Variants in EBF3 observed in about 807,000 individuals in gnomAD.
EBF3 encodes EBF transcription factor 3.
Under a neutral mutation model 77.1 loss-of-function variants are expected in EBF3, and 18 were observed. The observed-to-expected ratio is 0.23, with a 90% CI of 0.16 to 0.35. The LOEUF is 0.35. Ranked by LOEUF, EBF3 falls within the 10% of genes least tolerant of loss-of-function variation. The pLI, the probability that EBF3 is intolerant of heterozygous loss-of-function variation, is 1.00. For synonymous variants in EBF3, 350 were observed against 343.5 expected, an observed-to-expected ratio of 1.02 and a Z score of -0.21; for missense variants, 558 against 860.0, an observed-to-expected ratio of 0.65 and a Z score of 4.39.
intron 6 of EBF3, among the ~76,000 whole-genome samples, chr10:129,882,765 AAG>A (rs912308236): frequency 5.9e-5 from 9 of 152,236 alleles, no homozygotes; most frequent in Non-Finnish European, 8.8e-5. Flanking sequence ...CCATGTAGCT[AAG>A]AACGTATCCA....
At chr10:129,922,995 C>T in intron 6 of EBF3, among the ~76,000 whole-genome samples, 1 of 152,334 alleles carries the variant, frequency 6.6e-6, no homozygotes, top group South Asian at 2.1e-4. Flanking sequence ...TGTGTGCCTG[C>T]CCCTCTCCGG....
At chr10:129,851,328 T>G (rs1850865791) in intron 10 of EBF3, among the ~76,000 whole-genome samples, 1 of 152,186 alleles carries the variant, frequency 6.6e-6, no homozygotes, top group Non-Finnish European at 1.5e-5. Flanking sequence ...TGTTTTATGT[T>G]AATATTTGTG....
chr10:129,840,587 C>T, intron 14 of EBF3, 145 bp from the exon 15 acceptor site: 1 of 1,022,278 alleles, frequency 9.8e-7, no homozygotes, highest in Non-Finnish European at 1.4e-6. Flanking sequence ...CTCTGGATAA[C>T]AGGCAAGCTC....
chr10:129,922,100 G>A (rs749398426), intron 6 of EBF3, among the ~76,000 whole-genome samples: 6 of 152,226 alleles, frequency 3.9e-5, no homozygotes, highest in South Asian at 4.1e-4. Flanking sequence ...GGGGTGACCA[G>A]GCTCATGCCA....
chr10:129,837,406 G>A lies in EBF3; in HGVS notation c.*537C>T, dbSNP rs1037744916. ...CACCCCAGTTTCTCCTCATCATATAGTCATCCTTTTTTCCAGTCTGATGGC... is the reference window on the plus strand; with the variant it reads ...CACCCCAGTTTCTCCTCATCATATAATCATCCTTTTTTCCAGTCTGATGGC... On this transcript the variant is annotated 3_prime_UTR_variant, in exon 17 of 17. Transcript: ENST00000440978. 3.3e-5 allele frequency: 5 copies of A among 152,060 alleles called. No individual in the cohort carries two copies. The East Asian group carries it at 7.9e-4, about 24-fold the overall frequency. The allele number at this position is 152,060 out of a possible 1,614,324, so 9.4% of individuals were successfully genotyped here.
intron 15 of EBF3, among the ~76,000 whole-genome samples, chr10:129,839,581 C>T (rs373134073): frequency 4.6e-5 from 7 of 152,336 alleles, no homozygotes; most frequent in African/African-American, 1.7e-4. Flanking sequence ...AAAATCAGCT[C>T]CTGTCCACAG....
At chr10:129,856,479 G>A (rs897998122) in intron 10 of EBF3, among the ~76,000 whole-genome samples, 2 of 152,268 alleles carry the variant, frequency 1.3e-5, no homozygotes, top group South Asian at 2.1e-4. Flanking sequence ...CAGACACAAA[G>A]AACTATATAT....
At chr10:129,940,541 T>C (rs568363755) in intron 6 of EBF3, among the ~76,000 whole-genome samples, 17 of 152,172 alleles carry the variant, frequency 1.1e-4, no homozygotes, top group Non-Finnish European at 1.9e-4. Flanking sequence ...TCTGAGGAAA[T>C]GACAGTCATT....
chr10:129,841,062 A>G lies in EBF3; in HGVS notation c.1373-30T>C. On this transcript the variant is annotated intron_variant, in intron 13 of 16. Coordinates refer to ENST00000440978, the MANE Select transcript of EBF3 (RefSeq NM_001375380.1). The surrounding 1 kb of genome is among the most constrained non-coding windows in gnomAD (Gnocchi z 4.6). Reference sequence around the variant, plus strand: ...TGAAATCCCCCCCCCGGCCAAAAATAACATTATTATCAGCGACAGACACTT... The same window carrying G: ...TGAAATCCCCCCCCCGGCCAAAAATGACATTATTATCAGCGACAGACACTT... 6.2e-7 allele frequency: 1 copy of G among 1,607,944 alleles called. No individual in the cohort carries two copies. Among genetic ancestry groups the G allele is most frequent in the Non-Finnish European group, 8.5e-7 (1 of 1,177,352 alleles).
chr10:129,861,224 C>A lies in EBF3; in HGVS notation c.1039+5917G>T, dbSNP rs1231827541. On this transcript the variant is annotated intron_variant, in intron 10 of 16. Coordinates refer to ENST00000440978, the MANE Select transcript of EBF3 (RefSeq NM_001375380.1). This position sits in a 1 kb window ranked among gnomAD's most constrained non-coding sequence, Gnocchi z 4.3. ...CTCCCTCCCTTCCTTTGTGGCTCTG[C>A]CTAAGGGGCCCTGAGGACCCTTGAA... Among the ~76,000 whole-genome samples, 1 of 152,142 alleles carries A rather than the reference C, an allele frequency of 6.6e-6. No individual in the cohort carries two copies. Among genetic ancestry groups the A allele is most frequent in the Non-Finnish European group, 1.5e-5 (1 of 68,018 alleles).
chr10:129,931,328 C>T (rs1857013125), intron 6 of EBF3, among the ~76,000 whole-genome samples: 1 of 152,194 alleles, frequency 6.6e-6, no homozygotes, highest in Non-Finnish European at 1.5e-5. Context: ...AGGGGTCTAA[C>T]ATTTTTCTGG....
At position 129,836,598 on chromosome 10, in the gene EBF3, TAAAA is replaced by T. The variant is rs11390227; in HGVS notation, c.*1341_*1344del. 1 of 147,080 alleles carries T rather than the reference TAAAA, an allele frequency of 6.8e-6. No homozygotes were observed. The highest frequency in any genetic ancestry group is 1.5e-5 in the Non-Finnish European group (1 of 66,846). The allele number at this position is 147,080 out of a possible 1,614,324, so 9.1% of individuals were successfully genotyped here. On this transcript the variant is annotated 3_prime_UTR_variant, in exon 17 of 17. Transcript: ENST00000440978. ...CAATGAATTTGACTTTTCCTCAAAA[TAAAA>T]AAAAAAAGGATGGAAAGTCTAAACA... is the stretch of plus-strand genomic sequence containing the variant.
chr10:129,917,510 A>C (rs1243639248), intron 6 of EBF3, among the ~76,000 whole-genome samples: 1 of 152,036 alleles, frequency 6.6e-6, no homozygotes, highest in Non-Finnish European at 1.5e-5. Context: ...AAAGACAAGA[A>C]AGCCAGACAC....
At chr10:129,948,415 G>T (rs930750153) in intron 6 of EBF3, among the ~76,000 whole-genome samples, 2 of 152,140 alleles carry the variant, frequency 1.3e-5, no homozygotes, top group African/African-American at 4.8e-5. Flanking sequence ...GGGAGGGGTG[G>T]CTAGGTGGAG....
At chr10:129,915,860 G>A (rs1414795228) in intron 6 of EBF3, among the ~76,000 whole-genome samples, 79 of 152,234 alleles carry the variant, frequency 5.2e-4, no homozygotes, top group Non-Finnish European at 8.8e-5. Flanking sequence ...CCAGCTCTCT[G>A]AGAACCTGGC....
In EBF3 at chr10:129,837,470, AT is replaced by A. The variant is rs1488295265; in HGVS notation, c.*472del. The stretch of plus-strand genomic sequence containing the variant: ...GCCCTCTTTTTATCACCACAAAAAA[AT>A]ATTTCACATTATAGAGATACACAAC... On this transcript the variant is annotated 3_prime_UTR_variant, in exon 17 of 17. Coordinates refer to ENST00000440978, the MANE Select transcript of EBF3 (RefSeq NM_001375380.1). 19 of 157,930 alleles carry A rather than the reference AT, an allele frequency of 1.2e-4. No homozygotes were observed. The East Asian group carries it at 1.3e-3, about 11-fold the overall frequency. The allele number at this position is 157,930 out of a possible 1,614,324, so 9.8% of individuals were successfully genotyped here.
chr10:129,881,513 G>A (rs1009514404), intron 6 of EBF3, among the ~76,000 whole-genome samples: 2 of 152,140 alleles, frequency 1.3e-5, no homozygotes, highest in East Asian at 1.9e-4. Context: ...CATTCCACTC[G>A]GAAACAGCCC....
intron 6 of EBF3, among the ~76,000 whole-genome samples, chr10:129,936,676 C>T (rs908945514): frequency 6.7e-6 from 1 of 149,806 alleles, no homozygotes; most frequent in Non-Finnish European, 1.5e-5. Context: ...GGACCTGCAG[C>T]CTGTGTGGGG....
At chr10:129,953,495 G>C (rs994575496) in intron 6 of EBF3, among the ~76,000 whole-genome samples, 2 of 152,076 alleles carry the variant, frequency 1.3e-5, no homozygotes, top group African/African-American at 4.8e-5. Context: ...AAGTAGGACA[G>C]ACTTGGAATG....
Sources: gnomAD v4.1 joint callset for allele counts (sites outside exome capture counted in the v4.1 genomes callset) on GRCh38, gnomAD v4.1.1 for gene constraint, Gnocchi (gnomAD v3.1) non-coding constraint, MANE v1.5 for transcripts, NCBI Gene and HGNC (gene_info 2026-07-23, HGNC 2026-07-21) for gene names.